Variants in VTI1A observed in about 807,000 individuals in gnomAD.
VTI1A encodes vesicle transport through interaction with t-SNAREs 1A.
Under a neutral mutation model 34.9 loss-of-function variants are expected in VTI1A, and 22 were observed. The observed-to-expected ratio is 0.63, with a 90% CI of 0.45 to 0.90. The LOEUF (loss-of-function observed/expected upper bound fraction) is 0.90. VTI1A is among the 40% of genes least tolerant of loss of function. The pLI, the probability that VTI1A is intolerant of heterozygous loss-of-function variation, is 0.00. For synonymous variants in VTI1A, 87 were observed against 97.3 expected, an observed-to-expected ratio of 0.89 and a Z score of 0.62; for missense variants, 268 against 275.6, an observed-to-expected ratio of 0.97 and a Z score of 0.20.
At chr10:112,538,673 C>A in intron 5 of VTI1A, 5 of 181,254 alleles carry the variant, frequency 2.8e-5, no homozygotes, top group Non-Finnish European at 4.6e-5. Flanking sequence ...TGCTCCTTTA[C>A]GTTTTATTCA....
At chr10:112,479,135 C>T (rs914611143) in intron 3 of VTI1A, among the ~76,000 whole-genome samples, 6 of 152,174 alleles carry the variant, frequency 3.9e-5, no homozygotes, top group African/African-American at 1.4e-4. Flanking sequence ...CCACTGCACT[C>T]CAGCCTGGCA....
intron 3 of VTI1A, among the ~76,000 whole-genome samples, chr10:112,487,273 GC>G (rs1478882863): frequency 6.6e-6 from 1 of 152,094 alleles, no homozygotes; most frequent in Non-Finnish European, 1.5e-5. Context: ...ATGGTTGTGT[GC>G]CAGCACACCT....
intron 7 of VTI1A, among the ~76,000 whole-genome samples, chr10:112,785,819 T>C (rs1219791247): frequency 6.6e-6 from 1 of 152,206 alleles, no homozygotes; most frequent in Non-Finnish European, 1.5e-5. Context: ...TTTTGTTCCA[T>C]TGAACTGTGT....
chr10:112,640,766 C>T (rs145617530), intron 5 of VTI1A, among the ~76,000 whole-genome samples: 1,570 of 152,230 alleles, frequency 0.01, 15 homozygotes, highest in South Asian at 0.018. Context: ...TTGAATTAGG[C>T]AGTTGTTTTA....
At position 112,462,896 on chromosome 10, in the gene VTI1A, TTTTATTTATTTATTTA is replaced by T. The variant is rs59884374; in HGVS notation, c.154-1620_154-1605del. Among the ~76,000 whole-genome samples the T allele has an allele frequency of 7.8e-3, 1,123 of 144,832 alleles. 12 individuals are homozygous for T. The highest frequency in any genetic ancestry group is 0.027 in the African/African-American group (1,051 of 38,378). ...GGGCCAATTTGTTGTTGTTACTGGT[TTTTATTTATTTATTTA>T]TTTATTTATTTATTTATTTATTTAT... On this transcript the variant is annotated intron_variant, in intron 2 of 7. Coordinates refer to ENST00000393077, the MANE Select transcript of VTI1A (RefSeq NM_145206.4).
chr10:112,630,690 A>G (rs557270510), intron 5 of VTI1A, among the ~76,000 whole-genome samples: 45 of 152,344 alleles, frequency 3.0e-4, no homozygotes, highest in Admixed American at 1.8e-3. Context: ...TAATGGAGAG[A>G]AAACCACTAT....
At chr10:112,835,080 G>T in the VTI1A span, among the ~76,000 whole-genome samples, 200 of 152,208 alleles carry the variant, frequency 1.3e-3, 4 homozygotes, top group African/African-American at 4.4e-3. Context: ...CTTAGACACA[G>T]GGCCCGTGCG....
At chr10:112,455,063 A>G (rs1019025939) in intron 1 of VTI1A, among the ~76,000 whole-genome samples, 3 of 151,614 alleles carry the variant, frequency 2.0e-5, no homozygotes, top group African/African-American at 7.3e-5. Flanking sequence ...GGCAGAATGA[A>G]TCTCTTTTGG....
Position 112,447,270 on chromosome 10 carries a change from CG to C in VTI1A, c.-99del. 2 of 1,273,754 alleles carry C rather than the reference CG, an allele frequency of 1.6e-6. No homozygotes were observed. The highest frequency in any genetic ancestry group is 2.2e-6 in the Non-Finnish European group (2 of 913,462). The allele number at this position is 1,273,754 out of a possible 1,614,324, so 78.9% of individuals were successfully genotyped here. ...TGTCCCCGGTTCTCCGTTCTGCTCT[CG>C]GGGGCACCTTCCGGGGTTCCTAAGC... On this transcript the variant is annotated 5_prime_UTR_variant, in exon 1 of 8. Transcript: ENST00000393077.
intron 5 of VTI1A, among the ~76,000 whole-genome samples, chr10:112,576,167 A>G (rs1302953018): frequency 6.6e-6 from 1 of 151,868 alleles, no homozygotes; most frequent in Non-Finnish European, 1.5e-5. Flanking sequence ...ACTACGGGCA[A>G]CAGCCACCGC....
intron 5 of VTI1A, among the ~76,000 whole-genome samples, chr10:112,618,532 G>T (rs1845604877): frequency 1.5e-5 from 2 of 130,766 alleles, no homozygotes; most frequent in East Asian, 2.4e-4. Context: ...TATAGAGAGA[G>T]AGAGAGAGAG....
chr10:112,512,080 C>T (rs965970818), intron 3 of VTI1A, among the ~76,000 whole-genome samples: 5 of 152,028 alleles, frequency 3.3e-5, no homozygotes, highest in African/African-American at 9.7e-5. Context: ...GTAGATACTC[C>T]GTAGTGGGAT....
chr10:112,804,451 T>G lies in VTI1A; in HGVS notation c.561-10839T>G, dbSNP rs565478984. 3.3e-5 allele frequency among the ~76,000 whole-genome samples: 5 copies of G among 152,360 alleles called. No individual in the cohort carries two copies. The South Asian group carries it at 6.2e-4, about 19-fold the overall frequency. ...CAGAATGATTTGCCAGCTGCACACA[T>G]GTAAAGAGCTTTTCAGAGTGCTTTA... On this transcript the variant is annotated intron_variant, in intron 7 of 7. Transcript: ENST00000393077.
intron 7 of VTI1A, among the ~76,000 whole-genome samples, chr10:112,738,722 A>G (rs1850587797): frequency 1.3e-5 from 2 of 152,176 alleles, no homozygotes; most frequent in South Asian, 2.1e-4. Flanking sequence ...TTACAGTACG[A>G]CAGAACTGTG....
At chr10:112,711,137 C>T (rs746740010) in intron 7 of VTI1A, among the ~76,000 whole-genome samples, 24 of 152,288 alleles carry the variant, frequency 1.6e-4, no homozygotes, top group Non-Finnish European at 3.2e-4. Context: ...TAGAAAAAAT[C>T]AATGAGTTAA....
Position 112,816,962 on chromosome 10 carries a change from T to G in VTI1A, c.*1579T>G. 1 of 231,470 alleles carries G rather than the reference T, an allele frequency of 4.3e-6. No homozygotes were observed. Among genetic ancestry groups the G allele is most frequent in the Non-Finnish European group, 8.6e-6 (1 of 116,926 alleles). 14.3% of individuals were successfully genotyped at this position (231,470 alleles called of 1,614,324 possible). A position where few individuals can be genotyped will look rare whatever the true frequency, so the allele number is the denominator to read the frequency against. On this transcript the variant is annotated 3_prime_UTR_variant, in exon 8 of 8. Coordinates refer to ENST00000393077, the MANE Select transcript of VTI1A (RefSeq NM_145206.4). Reference sequence around the variant, plus strand: ...GTATTGTGTAAATAAAGCTGCAGCCTTTACTTCGGAGGGATGGTGTGGGAT... The same window carrying G: ...GTATTGTGTAAATAAAGCTGCAGCCGTTACTTCGGAGGGATGGTGTGGGAT...
intron 7 of VTI1A, among the ~76,000 whole-genome samples, chr10:112,807,393 ATTC>A (rs553721026): frequency 1.1e-3 from 164 of 152,108 alleles, no homozygotes; most frequent in Non-Finnish European, 1.7e-3. Flanking sequence ...TAAGGGAAGA[ATTC>A]TTCTTTGCCT....
At chr10:112,455,951 TC>T (rs1847509104) in intron 1 of VTI1A, among the ~76,000 whole-genome samples, 1 of 152,122 alleles carries the variant, frequency 6.6e-6, no homozygotes, top group Non-Finnish European at 1.5e-5. Flanking sequence ...GAGCTGTTTT[TC>T]CCCCTCAGTT....
chr10:112,470,103 C>T (rs530756493), intron 3 of VTI1A, among the ~76,000 whole-genome samples: 6 of 152,274 alleles, frequency 3.9e-5, no homozygotes, highest in South Asian at 2.1e-4. Flanking sequence ...CCATTTTGTC[C>T]GTGTTCACAG....
Sources: allele counts gnomAD v4.1 joint callset (sites outside exome capture counted in the v4.1 genomes callset), GRCh38; gene constraint gnomAD v4.1.1; transcripts MANE v1.5; gene names NCBI Gene and HGNC (gene_info 2026-07-23, HGNC 2026-07-21).